The following PLEKHN1 variants were observed in gnomAD, a reference collection of about 807,000 sequenced individuals.
PLEKHN1 encodes the protein pleckstrin homology domain containing N1.
A neutral mutation model predicts 72.8 loss-of-function variants in PLEKHN1; 68 were observed. That is an observed-to-expected ratio of 0.93 (90% CI 0.77 to 1.14). The LOEUF is 1.14. Ranked by LOEUF, PLEKHN1 falls within the 50% of genes most tolerant of loss-of-function variation. The probability of loss-of-function intolerance (pLI) is 0.00; values close to 1 mark genes in which losing one functional copy is unlikely to be tolerated. For synonymous variants in PLEKHN1, 454 were observed against 371.6 expected (o/e 1.22, Z -2.55); for missense variants, 1,015 against 840.5 (o/e 1.21, Z -2.57).
At position 970,030 on chromosome 1, in the gene PLEKHN1, G is replaced by C. The variant is rs914424587; in HGVS notation, c.184-247G>C. 6.7e-6 allele frequency among the ~76,000 whole-genome samples: 1 copy of C among 148,406 alleles called. No homozygotes were observed. Among genetic ancestry groups the C allele is most frequent in the Admixed American group, 6.7e-5 (1 of 15,020 alleles). ...GGCTGTGCACAGGTTCTGTGCCTGT[G>C]GGGGGCTGTTCTTCACGTATGTGTT... On this transcript the variant is annotated intron_variant, in intron 2 of 15. Transcript: ENST00000379410. This position sits in a 1 kb window ranked among gnomAD's most constrained non-coding sequence, Gnocchi z 4.2.
chr1:974,814 G>A lies in PLEKHN1; in HGVS notation c.*239G>A, dbSNP rs1047869040. 3.5e-6 allele frequency: 2 copies of A among 579,546 alleles called. No homozygotes were observed. Among genetic ancestry groups the A allele is most frequent in the African/African-American group, 3.7e-5 (2 of 53,582 alleles). The allele number at this position is 579,546 out of a possible 1,614,324, so 35.9% of individuals were successfully genotyped here. On this transcript the variant is annotated 3_prime_UTR_variant, in exon 16 of 16. Coordinates refer to ENST00000379410, the MANE Select transcript of PLEKHN1 (RefSeq NM_032129.3). ...CCTGGCCAGCGAGGCTGGGTCACAG[G>A]TCAGGGAGGTCCTGGCCGTCCACAG...
At position 970,255 on chromosome 1, in the gene PLEKHN1, C is replaced by A. The variant is rs752637312; in HGVS notation, c.184-22C>A. The A allele has an allele frequency of 6.8e-6, 11 of 1,611,126 alleles. No individual in the cohort carries two copies. The East Asian group carries it at 2.2e-4, about 33-fold the overall frequency. ...TGGGGGGCCCAGGGGAGGCCCCCTCCCCTGAGCTCTACTCCTCCTAGGACA... is the reference window on the plus strand; with the variant it reads ...TGGGGGGCCCAGGGGAGGCCCCCTCACCTGAGCTCTACTCCTCCTAGGACA... On this transcript the variant is annotated intron_variant, in intron 2 of 15. Coordinates refer to ENST00000379410, the MANE Select transcript of PLEKHN1 (RefSeq NM_032129.3). The surrounding 1 kb of genome is among the most constrained non-coding windows in gnomAD (Gnocchi z 4.2).
In PLEKHN1 at chr1:974,488, C is replaced by A; in HGVS notation, c.1749C>A (p.Leu583=). The A allele has an allele frequency of 1.2e-6, 2 of 1,612,790 alleles. No homozygotes were observed. Among genetic ancestry groups the A allele is most frequent in the Non-Finnish European group, 1.7e-6 (2 of 1,179,950 alleles). The change falls in exon 16 of 16, where the codon CTC becomes CTA. Residue 583 remains leucine, a synonymous_variant. Transcript: ENST00000379410. ...RRSRDPGYDH[L]WDETLSSSHQ... is the part of the protein sequence containing the mutation. Reference sequence around the variant, plus strand: ...GCCGGGACCCCGGCTACGACCACCTCTGGGACGAGACTTTGTCTTCCTCCC... The same window carrying A: ...GCCGGGACCCCGGCTACGACCACCTATGGGACGAGACTTTGTCTTCCTCCC...
At chr1:967,547 T>C (rs1643074731) in intron 2 of PLEKHN1, among the ~76,000 whole-genome samples, 1 of 152,084 alleles carries the variant, frequency 6.6e-6, no homozygotes. Flanking sequence ...GGCTCCGCTA[T>C]GTGCAGGCCC....
In PLEKHN1 at chr1:974,466, G is replaced by A. The variant is rs142252262; in HGVS notation, c.1727G>A (p.Arg576Gln). 2.4e-4 allele frequency: 386 copies of A among 1,612,656 alleles called. No individual in the cohort carries two copies. Among genetic ancestry groups the A allele is most frequent in the Non-Finnish European group, 3.0e-4 (358 of 1,179,966 alleles). ...GATGGTCGGTCCCCCAGGAGGAGCC[G>A]GGACCCCGGCTACGACCACCTCTGG... The part of the protein sequence containing the change: ...LTDGRSPRRS[R>Q]DPGYDHLWDE... Residue 576 changes from arginine to glutamine, a missense_variant, in exon 16 of 16, where the codon CGG (arginine) becomes CAG (glutamine). Coordinates refer to ENST00000379410, the MANE Select transcript of PLEKHN1 (RefSeq NM_032129.3).
In PLEKHN1 at chr1:969,330, CGT is replaced by C. The variant is rs1226445563; in HGVS notation, c.184-939_184-938del. 5.9e-5 allele frequency among the ~76,000 whole-genome samples: 9 copies of C among 152,194 alleles called. No individual in the cohort carries two copies. The South Asian group carries it at 8.3e-4, about 14-fold the overall frequency. ...GTGTGGGGAAGTGTGTCTGTGTGTG[CGT>C]GTGTGTGCACAAGTGTGTATGTGTG... is the stretch of plus-strand genomic sequence containing the variant. On this transcript the variant is annotated intron_variant, in intron 2 of 15. Transcript: ENST00000379410.
At position 971,145 on chromosome 1, in the gene PLEKHN1, G is replaced by T. The variant is rs767887750; in HGVS notation, c.645G>T (p.Gly215=). The change falls in exon 7 of 16, where the codon GGG becomes GGT. Residue 215 remains glycine (G), a synonymous_variant. Transcript: ENST00000379410. Reference sequence around the variant, plus strand: ...TAACCCGGCTGCGGACGGCGTCAGGGCACGAACCCGGCGGCAGTGCTGTCT... The same window carrying T: ...TAACCCGGCTGCGGACGGCGTCAGGTCACGAACCCGGCGGCAGTGCTGTCT... ...RRLTRLRTAS[G]HEPGGSAVCA... 13 of 1,600,714 alleles carry T rather than the reference G, an allele frequency of 8.1e-6. No homozygotes were observed. The highest frequency in any genetic ancestry group is 1.0e-5 in the Non-Finnish European group (12 of 1,174,756).
In PLEKHN1 at chr1:972,900, C is replaced by G. The variant is rs1201909015; in HGVS notation, c.1042C>G (p.Gln348Glu). The G allele has an allele frequency of 1.3e-6, 2 of 1,559,670 alleles. No homozygotes were observed. Among genetic ancestry groups the G allele is most frequent in the Non-Finnish European group, 1.7e-6 (2 of 1,151,664 alleles). The change falls in exon 11 of 16, where the codon CAG becomes GAG. Residue 348 changes from glutamine to glutamate, a missense_variant. By Grantham distance (29) the Gln-to-Glu change is conservative. Coordinates refer to ENST00000379410, the MANE Select transcript of PLEKHN1 (RefSeq NM_032129.3). Reference protein sequence around the residue: ...SGRGSLSSGGQTSWDSGCLAP... With the variant: ...SGRGSLSSGGETSWDSGCLAP... ...CCGAGGCTCACTCTCCTCAGGCGGA[C>G]AGACCAGCTGGGACTCGGGGTGCTT...
intron 2 of PLEKHN1, among the ~76,000 whole-genome samples, chr1:968,034 G>A (rs1331258838): frequency 2.0e-5 from 3 of 152,238 alleles, no homozygotes. Context: ...CTGTGAGCTG[G>A]CTCTACTACG....
rs965596931 is a variant in PLEKHN1, at chr1:970,218, G to A, written c.184-59G>A. On this transcript the variant is annotated intron_variant, in intron 2 of 15. Coordinates refer to ENST00000379410, the MANE Select transcript of PLEKHN1 (RefSeq NM_032129.3). The surrounding 1 kb of genome is among the most constrained non-coding windows in gnomAD (Gnocchi z 4.2). ...TATAGTCCTGTAGCTGTGTGGATGC[G>A]AGCGGAGGGGGTGGGGGGCCCAGGG... The A allele has an allele frequency of 1.3e-5, 21 of 1,576,942 alleles. No individual in the cohort carries two copies. Among genetic ancestry groups the A allele is most frequent in the Admixed American group, 1.1e-4 (6 of 56,736 alleles).
rs770212448 is a variant in PLEKHN1 at position 971,160 on chromosome 1, C to T, written c.660C>T (p.Gly220=). 1.2e-4 allele frequency: 195 copies of T among 1,599,132 alleles called. No individual in the cohort carries two copies. The highest frequency in any genetic ancestry group is 1.6e-4 in the Non-Finnish European group (192 of 1,173,978). The change falls in exon 7 of 16, where the codon GGC becomes GGT. Residue 220 remains glycine (G), a synonymous_variant. Coordinates refer to ENST00000379410, the MANE Select transcript of PLEKHN1 (RefSeq NM_032129.3). Reference sequence around the variant, plus strand: ...CGGCGTCAGGGCACGAACCCGGCGGCAGTGCTGTCTGTGCCTCGAGGGTCA... The same window carrying T: ...CGGCGTCAGGGCACGAACCCGGCGGTAGTGCTGTCTGTGCCTCGAGGGTCA... ...LRTASGHEPG[G]SAVCASRVKL... is the part of the protein sequence containing the mutation.
chr1:970,558 A>C lies in PLEKHN1; in HGVS notation c.368A>C (p.His123Pro). ...TGCTACCTGGAGCTATTCCCCGCCC[A>C]CCTGTACTTCCAGGCCCACGGCTCG... ...SDCYLELFPAHLYFQAHGSEG... is the reference protein window; with the variant it reads ...SDCYLELFPAPLYFQAHGSEG... The change falls in exon 4 of 16, where the codon CAC becomes CCC. Residue 123 changes from histidine to proline, a missense_variant. Physicochemically the swap from His to Pro is moderately conservative, Grantham distance 77. Coordinates refer to ENST00000379410, the MANE Select transcript of PLEKHN1 (RefSeq NM_032129.3). This position sits in a 1 kb window ranked among gnomAD's most constrained non-coding sequence, Gnocchi z 4.2. 1 of 1,612,964 alleles carries C rather than the reference A, an allele frequency of 6.2e-7. No individual in the cohort carries two copies. Among genetic ancestry groups the C allele is most frequent in the Middle Eastern group, 1.7e-4 (1 of 6,060 alleles).
At chr1:968,618 G>A (rs1478636718) in intron 2 of PLEKHN1, among the ~76,000 whole-genome samples, 1 of 152,224 alleles carries the variant, frequency 6.6e-6, no homozygotes, top group Non-Finnish European at 1.5e-5. Context: ...CACACGACGG[G>A]ACAAATCAAT....
In PLEKHN1 at chr1:971,024, C is replaced by A; in HGVS notation, c.612+18C>A. The A allele has an allele frequency of 1.1e-6, 1 of 914,406 alleles. No individual in the cohort carries two copies. The highest frequency in any genetic ancestry group is 1.8e-6 in the Non-Finnish European group (1 of 551,842). 56.6% of individuals were successfully genotyped at this position (914,406 alleles called of 1,614,324 possible). A position where few individuals can be genotyped will look rare whatever the true frequency, so the allele number is the denominator to read the frequency against. Reference sequence around the variant, plus strand: ...CCCCACAGGTCAGTGCCGGGGACCCCACCCCCCTCCCCACCCTGATCCTCG... The same window carrying A: ...CCCCACAGGTCAGTGCCGGGGACCCAACCCCCCTCCCCACCCTGATCCTCG... On this transcript the variant is annotated intron_variant, in intron 6 of 15. Transcript: ENST00000379410.
Position 973,971 on chromosome 1 carries a change from G to T in PLEKHN1, c.1573G>T (p.Ala525Ser). The change falls in exon 14 of 16, where the codon GCC (alanine) becomes TCC (serine). Residue 525 changes from alanine to serine, a missense_variant. Physicochemically the swap from Ala to Ser is moderately conservative, Grantham distance 99. Transcript: ENST00000379410. ...CCCCTACTTGCTCTCCAAGAAGGGA[G>T]CCCTGCAGTCCAGAGCCGCTCAGAG... ...AGPYLLSKKG[A>S]LQSRAAQRHR... The T allele has an allele frequency of 6.2e-7, 1 of 1,609,714 alleles. No homozygotes were observed.
chr1:967,040 G>GCCGCGGGCGGGGCCTC (rs1553164425), intron 2 of PLEKHN1, among the ~76,000 whole-genome samples: 1 of 152,236 alleles, frequency 6.6e-6, no homozygotes, highest in Non-Finnish European at 1.5e-5. Context: ...GGCGGGGCGG[G>GCCGCGGGCGGGGCCTC]CCGCGGGCGG....
In PLEKHN1 at chr1:973,373, C is replaced by G. The variant is rs770520103; in HGVS notation, c.1293+47C>G. 3.9e-6 allele frequency: 6 copies of G among 1,557,426 alleles called. No individual in the cohort carries two copies. The Admixed American group carries it at 5.3e-5, about 14-fold the overall frequency. On this transcript the variant is annotated intron_variant, in intron 12 of 15. Transcript: ENST00000379410. ...AGCCCCTGGCCTGGTTCCCACCGTTCCGCACCACTGGTCTCTGTCTCTGGG... is the reference window on the plus strand; with the variant it reads ...AGCCCCTGGCCTGGTTCCCACCGTTGCGCACCACTGGTCTCTGTCTCTGGG...
intron 9 of PLEKHN1, 23 bp from the exon 10 acceptor site, chr1:972,265 C>T (rs1643374990): frequency 1.9e-6 from 3 of 1,606,994 alleles, no homozygotes; most frequent in Non-Finnish European, 8.5e-7. Flanking sequence ...CCCCGCCAGC[C>T]CCTCACAGCA....
chr1:974,079 C>T (rs1643490377), intron 14 of PLEKHN1, 28 bp downstream of exon 14: 1 of 1,548,386 alleles, frequency 6.5e-7, no homozygotes, highest in Non-Finnish European at 8.7e-7. Context: ...CGCCCGTGTG[C>T]CCCGGGCTCC....
Sources: gnomAD v4.1 joint callset for allele counts (sites outside exome capture counted in the v4.1 genomes callset) on GRCh38, gnomAD v4.1.1 for gene constraint, Gnocchi (gnomAD v3.1) non-coding constraint, MANE v1.5 for transcripts, NCBI Gene and HGNC (gene_info 2026-07-23, HGNC 2026-07-21) for gene names.